The following FOXK2 variants were observed in gnomAD, a reference collection of about 807,000 sequenced individuals.
FOXK2 encodes the protein forkhead box K2, also known as forkhead box protein K2.
In FOXK2, 24 loss-of-function variants were observed where a neutral mutation model predicts 53.3. The ratio of observed to expected loss-of-function variants is 0.45; its 90% CI spans 0.33 to 0.63. The LOEUF (loss-of-function observed/expected upper bound fraction) is 0.63. Among genes scored for constraint, FOXK2 ranks in the 30% least tolerant of loss-of-function variants. The pLI is 0.03. For synonymous variants in FOXK2, 505 were observed against 407.1 expected, an observed-to-expected ratio of 1.24 and a Z score of -2.89; for missense variants, 952 against 910.5, an observed-to-expected ratio of 1.05 and a Z score of -0.59.
Position 82,586,158 on chromosome 17 carries a change from A to G in FOXK2, c.1534A>G (p.Lys512Glu). The change falls in exon 7 of 9, where the codon AAG (lysine) becomes GAG (glutamate). Residue 512 changes from lysine (K) to glutamate (E), a missense_variant. Lys to Glu is a moderately conservative substitution (Grantham distance 56). This residue lies in a region of FOXK2 where 551 missense variants were observed against 385.1 expected (regional missense o/e 1.43). Coordinates refer to ENST00000335255, the MANE Select transcript of FOXK2 (RefSeq NM_004514.4). ...VTPAAVLAPP[K>E]AEAQENGDHR... ...CCCGGCAGCCGTGCTGGCCCCTCCT[A>G]AGGCAGAGGCCCAGGAGAATGGAGA... is the stretch of plus-strand genomic sequence containing the variant. 1 of 1,611,596 alleles carries G rather than the reference A, an allele frequency of 6.2e-7. No individual in the cohort carries two copies. Among genetic ancestry groups the G allele is most frequent in the East Asian group, 2.2e-5 (1 of 44,828 alleles).
At chr17:82,541,456 A>G (rs556864057) in intron 1 of FOXK2, among the ~76,000 whole-genome samples, 1 of 152,116 alleles carries the variant, frequency 6.6e-6, no homozygotes, top group African/African-American at 2.4e-5. Flanking sequence ...TATTTTTAGT[A>G]GAGACGGGGT....
chr17:82,553,787 G>A (rs1056755227), intron 1 of FOXK2, among the ~76,000 whole-genome samples: 63 of 152,156 alleles, frequency 4.1e-4, no homozygotes, highest in African/African-American at 1.5e-3. Flanking sequence ...CGTTTGTCCC[G>A]TTGCTGTGAC....
In FOXK2 at chr17:82,601,554, G is replaced by A. The variant is rs2045385762; in HGVS notation, c.*55G>A. On this transcript the variant is annotated 3_prime_UTR_variant, in exon 9 of 9. Transcript: ENST00000335255. The stretch of plus-strand genomic sequence containing the variant: ...CAACTCTGTGGTGCCAAAAGGAGAC[G>A]CGGCCTCCCGCCAGCACTCGGGGGT... The A allele has an allele frequency of 1.3e-6, 2 of 1,507,604 alleles. No homozygotes were observed. Among genetic ancestry groups the A allele is most frequent in the African/African-American group, 1.4e-5 (1 of 72,726 alleles). 93.4% of individuals were successfully genotyped at this position (1,507,604 alleles called of 1,614,324 possible). A position where few individuals can be genotyped will look rare whatever the true frequency, so the allele number is the denominator to read the frequency against.
chr17:82,550,995 T>C (rs1018389409), intron 1 of FOXK2, among the ~76,000 whole-genome samples: 1 of 152,222 alleles, frequency 6.6e-6, no homozygotes, highest in Non-Finnish European at 1.5e-5. Context: ...CAAAGCCTGT[T>C]TTAAGCTTCG....
intron 4 of FOXK2, among the ~76,000 whole-genome samples, chr17:82,579,204 C>A (rs1404143078): frequency 6.6e-6 from 1 of 152,192 alleles, no homozygotes; most frequent in Non-Finnish European, 1.5e-5. Flanking sequence ...CAGTCCTAGT[C>A]TCAGAATCTA....
chr17:82,548,986 A>G (rs140640363), intron 1 of FOXK2, among the ~76,000 whole-genome samples: 1 of 152,322 alleles, frequency 6.6e-6, no homozygotes, highest in Non-Finnish European at 1.5e-5. Flanking sequence ...TAAGATCCCC[A>G]GCTGTTGTCT....
chr17:82,586,952 G>C (rs1242702036), intron 7 of FOXK2, 111 bp from the exon 8 acceptor site: 13 of 982,018 alleles, frequency 1.3e-5, no homozygotes, highest in Admixed American at 4.4e-5. Context: ...GTTTGTTTTA[G>C]AGACATTTTC....
rs2045391683 is a variant in FOXK2, at chr17:82,601,945, A to G, written c.*446A>G. 1 of 157,728 alleles carries G rather than the reference A, an allele frequency of 6.3e-6. No individual in the cohort carries two copies. The highest frequency in any genetic ancestry group is 1.4e-5 in the Non-Finnish European group (1 of 71,104). The allele number at this position is 157,728 out of a possible 1,614,324, so 9.8% of individuals were successfully genotyped here. ...TTTTGAGGTGTCCTTTCTTTACAAA[A>G]TAATGGGGTCTTGGGCATTTCACAT... On this transcript the variant is annotated 3_prime_UTR_variant, in exon 9 of 9. Transcript: ENST00000335255.
chr17:82,527,010 G>T (rs1029587216), intron 1 of FOXK2, among the ~76,000 whole-genome samples: 1 of 152,104 alleles, frequency 6.6e-6, no homozygotes, highest in Non-Finnish European at 1.5e-5. Flanking sequence ...GTGTGTTTCC[G>T]TATTGAAGGG....
Position 82,594,273 on chromosome 17 carries a change from C to T in FOXK2, c.1786+7001C>T, listed in dbSNP as rs367752278. Among the ~76,000 whole-genome samples, 15 of 152,180 alleles carry T rather than the reference C, an allele frequency of 9.9e-5. No homozygotes were observed. In the East Asian group the frequency reaches 2.9e-3, roughly 30 times the overall value. On this transcript the variant is annotated intron_variant, in intron 8 of 8. Coordinates refer to ENST00000335255, the MANE Select transcript of FOXK2 (RefSeq NM_004514.4). ...CAGCACTTTGGGAGGCCGAGGCGGG[C>T]GGATCACGAGGTCAGGAGATTGAGA...
At chr17:82,583,966 G>A in intron 5 of FOXK2, 47 bp from the exon 6 acceptor site, 1 of 1,531,756 alleles carries the variant, frequency 6.5e-7, no homozygotes, top group Non-Finnish European at 8.8e-7. Flanking sequence ...AGTGCTTTCT[G>A]AGTGCGTCAG....
At chr17:82,555,329 C>A (rs1309625233) in intron 1 of FOXK2, among the ~76,000 whole-genome samples, 1 of 152,098 alleles carries the variant, frequency 6.6e-6, no homozygotes. Context: ...GGATCTAACC[C>A]CCGGCATCTG....
chr17:82,542,578 G>A (rs919019256), intron 1 of FOXK2, among the ~76,000 whole-genome samples: 2 of 152,100 alleles, frequency 1.3e-5, no homozygotes, highest in African/African-American at 2.4e-5. Context: ...CCTCCCAACC[G>A]TGAATTACTG....
chr17:82,587,212 A>G lies in FOXK2; in HGVS notation c.1726A>G (p.Thr576Ala). The change falls in exon 8 of 9, where the codon ACA becomes GCA. Residue 576 changes from threonine (T) to alanine (A), a missense_variant. Physicochemically the swap from Thr to Ala is moderately conservative, Grantham distance 58. Coordinates refer to ENST00000335255, the MANE Select transcript of FOXK2 (RefSeq NM_004514.4). ...ACACCAGCTACCAATAAAAACTGTA[A>G]CACAAAACGGCACTCACGTGGCATC... Reference protein sequence around the residue: ...GQHQLPIKTVTQNGTHVASVP... With the variant: ...GQHQLPIKTVAQNGTHVASVP... 3.7e-6 allele frequency: 6 copies of G among 1,613,096 alleles called. No homozygotes were observed. The highest frequency in any genetic ancestry group is 5.1e-6 in the Non-Finnish European group (6 of 1,180,008).
rs915872643 is a variant in FOXK2 at position 82,537,880 on chromosome 17, C to T, written c.419+17573C>T. ...GAGGTTATAGTGAGCTGAGATTGCA[C>T]CACTGCACTCCAGCCTGGCAATGGA... On this transcript the variant is annotated intron_variant, in intron 1 of 8. Transcript: ENST00000335255. Among the ~76,000 whole-genome samples, 6 of 149,766 alleles carry T rather than the reference C, an allele frequency of 4.0e-5. No individual in the cohort carries two copies. In the East Asian group the frequency reaches 9.8e-4, roughly 25 times the overall value.
chr17:82,572,359 A>T (rs1002843806), intron 4 of FOXK2, among the ~76,000 whole-genome samples: 2 of 152,222 alleles, frequency 1.3e-5, no homozygotes, highest in Admixed American at 1.3e-4. Flanking sequence ...TGGCCGGGGT[A>T]AAAAACAGAT....
intron 1 of FOXK2, among the ~76,000 whole-genome samples, chr17:82,533,243 A>G (rs2044489216): frequency 6.6e-6 from 1 of 151,896 alleles, no homozygotes; most frequent in East Asian, 1.9e-4. Context: ...TAATCCCAGC[A>G]CTTTGGGAGG....
intron 8 of FOXK2, among the ~76,000 whole-genome samples, chr17:82,591,184 G>A (rs1484865971): frequency 6.6e-6 from 1 of 152,130 alleles, no homozygotes; most frequent in Non-Finnish European, 1.5e-5. Flanking sequence ...GTGGGCAGGC[G>A]CAGGGCATGA....
intron 8 of FOXK2, among the ~76,000 whole-genome samples, chr17:82,595,333 G>T (rs146256884): frequency 6.6e-6 from 1 of 152,078 alleles, no homozygotes; most frequent in African/African-American, 2.4e-5. Flanking sequence ...TTTGAGAAAG[G>T]GTCTGTCACT....
Sources: gnomAD v4.1 joint callset for allele counts (sites outside exome capture counted in the v4.1 genomes callset) on GRCh38, gnomAD v4.1.1 for gene constraint, gnomAD v4.1.1 regional missense constraint, MANE v1.5 for transcripts, NCBI Gene and HGNC (gene_info 2026-07-23, HGNC 2026-07-21) for gene names.